SKA3: variants seen among roughly 807,000 people sequenced by gnomAD.
SKA3 encodes the protein spindle and kinetochore associated complex subunit 3, also known as spindle and kinetochore-associated protein 3.
In SKA3, 39 loss-of-function variants were observed where a neutral mutation model predicts 44.2. That is an observed-to-expected ratio of 0.88 (90% CI 0.68 to 1.15). The LOEUF (loss-of-function observed/expected upper bound fraction) is 1.15, where lower values mean the gene tolerates loss of function less well. Among genes scored for constraint, SKA3 ranks in the 50% most tolerant of loss-of-function variants. The pLI is 0.00. For missense variants in SKA3, 511 were observed against 485.8 expected (o/e 1.05, Z -0.49); for synonymous variants, 192 against 172.0 (o/e 1.12, Z -0.91).
At chr13:21,171,566 A>G (rs1052268880) in intron 3 of SKA3, among the ~76,000 whole-genome samples, 1 of 147,306 alleles carries the variant, frequency 6.8e-6, no homozygotes, top group Non-Finnish European at 1.5e-5. Flanking sequence ...CTCCATCTCA[A>G]AAAAAAAAAA....
intron 4 of SKA3, among the ~76,000 whole-genome samples, chr13:21,164,636 G>A (rs1364778423): frequency 6.6e-6 from 1 of 152,206 alleles, no homozygotes; most frequent in Non-Finnish European, 1.5e-5. Flanking sequence ...TGCCTAGGCT[G>A]CTTTTGGTGT....
chr13:21,172,154 T>C, intron 3 of SKA3, 185 bp downstream of exon 3: 3 of 398,610 alleles, frequency 7.5e-6, no homozygotes, highest in Non-Finnish European at 1.3e-5. Flanking sequence ...GTTTTTATAT[T>C]ACACCCCTGA....
At chr13:21,167,208 C>T (rs551837648) in intron 4 of SKA3, among the ~76,000 whole-genome samples, 1 of 152,310 alleles carries the variant, frequency 6.6e-6, no homozygotes, top group Non-Finnish European at 1.5e-5. Flanking sequence ...CTTGTTCTAA[C>T]ATCATCCCAA....
rs1871116681 is a variant in SKA3 at position 21,172,479 on chromosome 13, T to A, written c.191A>T (p.Lys64Ile). 1 of 1,589,670 alleles carries A rather than the reference T, an allele frequency of 6.3e-7. No homozygotes were observed. Among genetic ancestry groups the A allele is most frequent in the South Asian group, 1.2e-5 (1 of 86,628 alleles). The change falls in exon 3 of 9, where the codon AAA becomes ATA. Residue 64 changes from lysine (K) to isoleucine (I), a missense_variant. Transcript: ENST00000314759. ...GCCTTCTTGATTTTCCAATCTTGCTTTATCAAGAAGAATATTAACATCATC... is the reference window on the plus strand; with the variant it reads ...GCCTTCTTGATTTTCCAATCTTGCTATATCAAGAAGAATATTAACATCATC... ...LKDDVNILLD[K>I]ARLENQEGID...
In SKA3 at chr13:21,176,363, C is replaced by T. The variant is rs1022667314; in HGVS notation, c.103+12G>A. ...CCCCACGCACCGTGCCCTGGCCGCC[C>T]GCCTCACGCACCGCTTTCCTCTCCG... On this transcript the variant is annotated intron_variant, in intron 1 of 8. Coordinates refer to ENST00000314759, the MANE Select transcript of SKA3 (RefSeq NM_145061.6). The T allele has an allele frequency of 3.4e-6, 4 of 1,186,144 alleles. No homozygotes were observed. The highest frequency in any genetic ancestry group is 4.5e-6 in the Non-Finnish European group (4 of 898,648). The allele number at this position is 1,186,144 out of a possible 1,614,324, so 73.5% of individuals were successfully genotyped here.
chr13:21,164,173 T>C (rs1158430279), intron 4 of SKA3, among the ~76,000 whole-genome samples: 1 of 152,246 alleles, frequency 6.6e-6, no homozygotes, highest in Non-Finnish European at 1.5e-5. Context: ...ATATAACATA[T>C]ATATGCACAT....
chr13:21,169,241 T>C (rs990156733), intron 3 of SKA3, among the ~76,000 whole-genome samples: 43 of 151,922 alleles, frequency 2.8e-4, no homozygotes, highest in Middle Eastern at 3.4e-3. Context: ...TTTTTTTTTT[T>C]ATTTTTATTT....
Position 21,168,137 on chromosome 13 carries a change from T to C in SKA3, c.594A>G (p.Val198=), listed in dbSNP as rs774441701. ...IVTPPTKQSL[V]KVLKTPKCAL... ...CACATTTTGGAGTTTTTAGTACTTT[T>C]ACTAGTGATTGTTTGGTAGGTGGGG... The change falls in exon 4 of 9, where the codon GTA becomes GTG. Residue 198 remains valine (V), a synonymous_variant. Transcript: ENST00000314759. The C allele has an allele frequency of 1.9e-6, 3 of 1,614,226 alleles. No homozygotes were observed. Among genetic ancestry groups the C allele is most frequent in the Non-Finnish European group, 2.5e-6 (3 of 1,180,042 alleles).
chr13:21,170,112 A>G (rs1870954353), intron 3 of SKA3, among the ~76,000 whole-genome samples: 1 of 152,032 alleles, frequency 6.6e-6, no homozygotes, highest in Non-Finnish European at 1.5e-5. Context: ...TAAAACACCT[A>G]GTTGAGAAAA....
intron 3 of SKA3, among the ~76,000 whole-genome samples, chr13:21,170,552 G>T (rs1870981783): frequency 6.6e-6 from 1 of 152,126 alleles, no homozygotes; most frequent in African/African-American, 2.4e-5. Flanking sequence ...TTTATATTTT[G>T]ATTTCATAGT....
At chr13:21,155,241 T>C in intron 8 of SKA3, 91 bp from the exon 9 acceptor site, 1 of 931,332 alleles carries the variant, frequency 1.1e-6, no homozygotes. Flanking sequence ...TATTTTACAC[T>C]TATAAAATAA....
intron 6 of SKA3, among the ~76,000 whole-genome samples, chr13:21,159,136 A>C (rs1230312986): frequency 1.3e-5 from 2 of 152,236 alleles, no homozygotes; most frequent in Admixed American, 6.5e-5. Context: ...TACTAGCCAC[A>C]TTTTCAGTGC....
At chr13:21,172,592 T>C (rs1197336140) in intron 2 of SKA3, 28 bp downstream of exon 2, 11 of 1,543,536 alleles carry the variant, frequency 7.1e-6, no homozygotes, top group South Asian at 3.6e-5. Context: ...CACAGAAAAA[T>C]AATAAATCAA....
intron 1 of SKA3, among the ~76,000 whole-genome samples, chr13:21,175,282 C>A (rs1390591715): frequency 6.8e-6 from 1 of 147,722 alleles, no homozygotes; most frequent in Admixed American, 6.7e-5. Flanking sequence ...ACGGCCAAAT[C>A]TTTTTTTCTT....
chr13:21,158,055 G>A lies in SKA3; in HGVS notation c.986C>T (p.Ser329Leu), dbSNP rs778963799. 180 of 1,612,852 alleles carry A rather than the reference G, an allele frequency of 1.1e-4. No individual in the cohort carries two copies. The highest frequency in any genetic ancestry group is 1.3e-4 in the Non-Finnish European group (154 of 1,179,050). Residue 329 changes from serine to leucine, a missense_variant, in exon 7 of 9, where the codon TCG (serine) becomes TTG (leucine). Coordinates refer to ENST00000314759, the MANE Select transcript of SKA3 (RefSeq NM_145061.6). ...GCATGTGTCTGAATTTAAAACCAAC[G>A]AAGTACGATCTTCAACTTCCAAATC... ...SNDLEVEDRTSLVLNSDTCFE... is the reference protein window; with the variant it reads ...SNDLEVEDRTLLVLNSDTCFE...
intron 2 of SKA3, 45 bp downstream of exon 2, chr13:21,172,575 T>C (rs752894938): frequency 1.4e-6 from 2 of 1,387,236 alleles, no homozygotes; most frequent in South Asian, 1.6e-5. Flanking sequence ...ATAAAAAAAT[T>C]ACTCGCCACA....
intron 4 of SKA3, among the ~76,000 whole-genome samples, chr13:21,164,782 G>C (rs941327635): frequency 1.3e-5 from 2 of 151,882 alleles, no homozygotes; most frequent in African/African-American, 4.8e-5. Flanking sequence ...ATCTAGCTAT[G>C]TTGCGCAGGC....
At chr13:21,168,953 T>C (rs781405495) in intron 3 of SKA3, among the ~76,000 whole-genome samples, 2 of 152,220 alleles carry the variant, frequency 1.3e-5, no homozygotes, top group African/African-American at 2.4e-5. Context: ...GAAAAATTAA[T>C]ATTCACAAAT....
intron 5 of SKA3, among the ~76,000 whole-genome samples, chr13:21,160,961 A>G (rs983552120): frequency 2.6e-5 from 4 of 152,154 alleles, no homozygotes; most frequent in South Asian, 2.1e-4. Flanking sequence ...CCTCTACCAA[A>G]AAAATACAAA....
Sources: allele counts gnomAD v4.1 joint callset (sites outside exome capture counted in the v4.1 genomes callset), GRCh38; gene constraint gnomAD v4.1.1; transcripts MANE v1.5; gene names NCBI Gene and HGNC (gene_info 2026-07-23, HGNC 2026-07-21).